Variants in SPIRE2 observed in about 807,000 individuals in gnomAD.
SPIRE2 encodes spire type actin nucleation factor 2.
Under a neutral mutation model 80.7 loss-of-function variants are expected in SPIRE2, and 76 were observed. That is an observed-to-expected ratio of 0.94 (90% CI 0.78 to 1.14). SPIRE2 has a LOEUF of 1.14. SPIRE2 is among the 50% of genes most tolerant of loss of function. The pLI is 0.00. For missense variants in SPIRE2, 1,196 were observed against 1,015.3 expected (o/e 1.18, Z -2.42); for synonymous variants, 535 against 432.6 (o/e 1.24, Z -2.94).
At chr16:89,851,423 G>T (rs372918189) in intron 3 of SPIRE2, among the ~76,000 whole-genome samples, 2 of 152,148 alleles carry the variant, frequency 1.3e-5, no homozygotes, top group African/African-American at 4.8e-5. Flanking sequence ...CACTTGCTGG[G>T]CCTGTGACAA....
At chr16:89,845,253 G>C in intron 1 of SPIRE2, 69 bp from the exon 2 acceptor site, 1 of 1,388,668 alleles carries the variant, frequency 7.2e-7, no homozygotes, top group African/African-American at 1.4e-5. Flanking sequence ...GGGGGAGGTG[G>C]GGGGACAGCA....
At chr16:89,847,635 T>G (rs1266729042) in intron 2 of SPIRE2, among the ~76,000 whole-genome samples, 2 of 152,170 alleles carry the variant, frequency 1.3e-5, no homozygotes, top group Non-Finnish European at 2.9e-5. Flanking sequence ...CTGGATTCCA[T>G]GAAATGACTG....
In SPIRE2 at chr16:89,870,139, A is replaced by T; in HGVS notation, c.2012A>T (p.Glu671Val). 1 of 1,613,120 alleles carries T rather than the reference A, an allele frequency of 6.2e-7. No homozygotes were observed. The highest frequency in any genetic ancestry group is 8.5e-7 in the Non-Finnish European group (1 of 1,179,654). ...HGCVLKDVCS[E>V]CTSFVADVVR... ...TGTGTCCTGAAGGATGTCTGCAGTG[A>T]GTGCACCAGCTTTGTGGCAGACGTG... is the stretch of plus-strand genomic sequence containing the variant. The change falls in exon 15 of 15, where the codon GAG (glutamate) becomes GTG (valine). Residue 671 changes from glutamate (E) to valine (V), a missense_variant. Transcript: ENST00000378247.
chr16:89,840,929 G>T (rs1012144014), intron 1 of SPIRE2, among the ~76,000 whole-genome samples: 2 of 151,878 alleles, frequency 1.3e-5, no homozygotes, highest in African/African-American at 4.8e-5. Context: ...GAGCCACCGC[G>T]CCCAGCTGAA....
At position 89,839,869 on chromosome 16, in the gene SPIRE2, G is replaced by A. The variant is rs188510760; in HGVS notation, c.245-5453G>A. ...GCAGCCTTGGGCCAAGCCTGGCCAG[G>A]GGGCCCTGGTGGCCTCACTGCCATT... is the stretch of plus-strand genomic sequence containing the variant. On this transcript the variant is annotated intron_variant, in intron 1 of 14. Transcript: ENST00000378247. Among the ~76,000 whole-genome samples the A allele has an allele frequency of 1.1e-3, 165 of 152,366 alleles. 3 individuals carry two copies. Among genetic ancestry groups the A allele is most frequent in the Middle Eastern group, 3.4e-3 (1 of 294 alleles).
Position 89,854,667 on chromosome 16 carries a change from G to C in SPIRE2, c.891+16G>C. 2 of 1,606,024 alleles carry C rather than the reference G, an allele frequency of 1.2e-6. No homozygotes were observed. The highest frequency in any genetic ancestry group is 2.2e-5 in the East Asian group (1 of 44,736). On this transcript the variant is annotated intron_variant, in intron 5 of 14. Coordinates refer to ENST00000378247, the MANE Select transcript of SPIRE2 (RefSeq NM_032451.2). ...CAAGGTCATGGTGAGCGGGGCAGAC[G>C]CAGAGGGGCAGCCTGGATGCAGAGG...
chr16:89,842,708 C>T (rs1030808701), intron 1 of SPIRE2, among the ~76,000 whole-genome samples: 12 of 152,220 alleles, frequency 7.9e-5, no homozygotes, highest in African/African-American at 2.7e-4. Context: ...CTGGTCTGTT[C>T]CAGGGAGCAC....
chr16:89,850,306 C>T lies in SPIRE2; in HGVS notation c.291C>T (p.Thr97=). The T allele has an allele frequency of 1.9e-6, 3 of 1,602,678 alleles. No individual in the cohort carries two copies. The highest frequency in any genetic ancestry group is 1.1e-5 in the South Asian group (1 of 90,000). ...GTGACCGCGCCCCTGTCCCGCAGAC[C>T]GTGCAGTCCCTCGGCTTCGCCATCT... The part of the protein sequence containing the change: ...VVPLASSEAQ[T]VQSLGFAIYR... Residue 97 remains threonine (T), a splice_region_variant and synonymous_variant, in exon 3 of 15, where the codon ACC becomes ACT. Transcript: ENST00000378247.
chr16:89,861,500 G>A (rs890567460), intron 10 of SPIRE2, among the ~76,000 whole-genome samples: 8 of 152,194 alleles, frequency 5.3e-5, no homozygotes, highest in African/African-American at 1.4e-4. Flanking sequence ...AGCCTAGGTC[G>A]TATCCCACCG....
chr16:89,847,723 T>TG (rs930177652), intron 2 of SPIRE2, among the ~76,000 whole-genome samples: 38 of 152,320 alleles, frequency 2.5e-4, no homozygotes, highest in African/African-American at 9.1e-4. Context: ...GCACCTGCTG[T>TG]GGGCGGGTGG....
At position 89,870,137 on chromosome 16, in the gene SPIRE2, T is replaced by G. The variant is rs1180979074; in HGVS notation, c.2010T>G (p.Ser670Arg). The stretch of plus-strand genomic sequence containing the variant: ...GCTGTGTCCTGAAGGATGTCTGCAG[T>G]GAGTGCACCAGCTTTGTGGCAGACG... ...SHGCVLKDVC[S>R]ECTSFVADVV... Residue 670 changes from serine (S) to arginine (R), a missense_variant, in exon 15 of 15, where the codon AGT (serine) becomes AGG (arginine). Ser to Arg is a moderately radical substitution (Grantham distance 110). Transcript: ENST00000378247. 1.2e-6 allele frequency: 2 copies of G among 1,613,042 alleles called. No individual in the cohort carries two copies. The highest frequency in any genetic ancestry group is 1.3e-5 in the African/African-American group (1 of 74,900).
intron 1 of SPIRE2, among the ~76,000 whole-genome samples, chr16:89,834,994 A>G (rs2041431898): frequency 6.9e-6 from 1 of 144,550 alleles, no homozygotes; most frequent in Non-Finnish European, 1.5e-5. Context: ...GCCCGGGTGA[A>G]TCTGTGAACC....
At chr16:89,841,565 G>C (rs2041506034) in intron 1 of SPIRE2, among the ~76,000 whole-genome samples, 1 of 152,150 alleles carries the variant, frequency 6.6e-6, no homozygotes, top group Non-Finnish European at 1.5e-5. Flanking sequence ...CGGTGGCCCA[G>C]CTGCCCCATT....
Position 89,860,663 on chromosome 16 carries a change from G to A in SPIRE2, c.1463-20G>A. ...CAGCTCCTGCCAGGCAGTCCTGATG[G>A]AGCCTCTGCTCTCCCCCAGGTACCT... On this transcript the variant is annotated intron_variant, in intron 9 of 14. Coordinates refer to ENST00000378247, the MANE Select transcript of SPIRE2 (RefSeq NM_032451.2). 6.6e-7 allele frequency: 1 copy of A among 1,520,148 alleles called. No individual in the cohort carries two copies. The highest frequency in any genetic ancestry group is 9.0e-7 in the Non-Finnish European group (1 of 1,113,140). The allele number at this position is 1,520,148 out of a possible 1,614,324, so 94.2% of individuals were successfully genotyped here.
At position 89,863,468 on chromosome 16, in the gene SPIRE2, T is replaced by A; in HGVS notation, c.1576-8T>A. 1 of 1,613,790 alleles carries A rather than the reference T, an allele frequency of 6.2e-7. No individual in the cohort carries two copies. Among genetic ancestry groups the A allele is most frequent in the Non-Finnish European group, 8.5e-7 (1 of 1,179,976 alleles). On this transcript the variant is annotated splice_polypyrimidine_tract_variant and splice_region_variant and intron_variant, in intron 10 of 14. Coordinates refer to ENST00000378247, the MANE Select transcript of SPIRE2 (RefSeq NM_032451.2). The surrounding 1 kb of genome is among the most constrained non-coding windows in gnomAD (Gnocchi z 4.3). ...ATAGAAGACTTCCTACCTGAGGCCGTCCCCTAGGAGTTCAGCCACCCCGTG... is the reference window on the plus strand; with the variant it reads ...ATAGAAGACTTCCTACCTGAGGCCGACCCCTAGGAGTTCAGCCACCCCGTG...
intron 2 of SPIRE2, chr16:89,846,728 G>A (rs2041564409): frequency 6.6e-6 from 1 of 150,784 alleles, no homozygotes; most frequent in Admixed American, 6.6e-5. Context: ...GGCCAGGATG[G>A]TCTCAAACTC....
intron 12 of SPIRE2, among the ~76,000 whole-genome samples, chr16:89,865,063 G>A (rs187744648): frequency 4.0e-4 from 58 of 145,592 alleles, no homozygotes; most frequent in Admixed American, 1.2e-3. Flanking sequence ...CTGGAGTGCA[G>A]TGGCACGATC....
In SPIRE2 at chr16:89,828,634, G is replaced by A; in HGVS notation, c.84G>A (p.Leu28=). ...GGGAGCTGTCCCTGGAGGAGGTGCT[G>A]AAGGCCTACGAGCAGCCGCTCAACG... The part of the protein sequence containing the change: ...EPWELSLEEV[L]KAYEQPLNEE... The change falls in exon 1 of 15, where the codon CTG becomes CTA. Residue 28 remains leucine (L), a synonymous_variant. Transcript: ENST00000378247. The surrounding 1 kb of genome is among the most constrained non-coding windows in gnomAD (Gnocchi z 5.9). 7.4e-7 allele frequency: 1 copy of A among 1,351,068 alleles called. No individual in the cohort carries two copies. Among genetic ancestry groups the A allele is most frequent in the Non-Finnish European group, 9.6e-7 (1 of 1,040,728 alleles). The allele number at this position is 1,351,068 out of a possible 1,614,324, so 83.7% of individuals were successfully genotyped here.
At chr16:89,836,290 C>T (rs1183084564) in intron 1 of SPIRE2, 29 of 455,780 alleles carry the variant, frequency 6.4e-5, no homozygotes, top group Middle Eastern at 6.5e-4. Context: ...ACTGTAAGCT[C>T]CTCTCGGTAC....
Sources: allele counts gnomAD v4.1 joint callset (sites outside exome capture counted in the v4.1 genomes callset), GRCh38; gene constraint gnomAD v4.1.1; non-coding constraint Gnocchi (gnomAD v3.1); transcripts MANE v1.5; gene names NCBI Gene and HGNC (gene_info 2026-07-23, HGNC 2026-07-21).